Variants in TRAK2 observed in about 807,000 individuals in gnomAD.
TRAK2 encodes trafficking kinesin-binding protein 2.
Under a neutral mutation model 104.6 loss-of-function variants are expected in TRAK2, and 81 were observed. That is an observed-to-expected ratio of 0.77 (90% CI 0.65 to 0.93). The LOEUF (loss-of-function observed/expected upper bound fraction) is 0.93, where lower values mean the gene tolerates loss of function less well. TRAK2 is among the 40% of genes least tolerant of loss of function. The pLI is 0.00. For synonymous variants in TRAK2, 406 were observed against 394.4 expected (o/e 1.03, Z -0.35); for missense variants, 1,002 against 1,089.0 (o/e 0.92, Z 1.12).
rs1181725684 is a variant in TRAK2 at position 201,422,468 on chromosome 2, GCC to G, written c.-199-1764_-199-1763del. Among the ~76,000 whole-genome samples, 394 of 152,158 alleles carry G rather than the reference GCC, an allele frequency of 2.6e-3. 3 individuals carry two copies. Among genetic ancestry groups the G allele is most frequent in the African/African-American group, 8.7e-3 (361 of 41,492 alleles). Reference sequence around the variant, plus strand: ...CTACTTATAGTTAATTCATTCTCATGCCTGCTCTTCACAGGCATCATAAATAT... The same window carrying G: ...CTACTTATAGTTAATTCATTCTCATGTGCTCTTCACAGGCATCATAAATAT... On this transcript the variant is annotated intron_variant, in intron 1 of 15. Coordinates refer to ENST00000332624, the MANE Select transcript of TRAK2 (RefSeq NM_015049.3).
intron 12 of TRAK2, among the ~76,000 whole-genome samples, chr2:201,388,688 C>T (rs966215776): frequency 5.3e-5 from 8 of 152,166 alleles, no homozygotes; most frequent in Non-Finnish European, 8.8e-5. Flanking sequence ...TATAAATCCA[C>T]ATAAATGTGT....
intron 9 of TRAK2, 32 bp from the exon 10 acceptor site, chr2:201,393,078 C>T (rs1340725422): frequency 1.9e-6 from 3 of 1,572,052 alleles, no homozygotes; most frequent in Non-Finnish European, 8.6e-7. Context: ...TACTTTATTG[C>T]CTTCCCAAAA....
chr2:201,405,591 G>T (rs984030251), intron 3 of TRAK2, among the ~76,000 whole-genome samples: 3 of 152,118 alleles, frequency 2.0e-5, no homozygotes, highest in African/African-American at 7.2e-5. Flanking sequence ...TGATTGCAGG[G>T]GTCCACAAAG....
At chr2:201,382,596 G>C (rs13027669) in intron 15 of TRAK2, among the ~76,000 whole-genome samples, 86,849 of 151,914 alleles carry the variant, frequency 0.57, 26,090 homozygotes, top group South Asian at 0.69. Context: ...GCATCAACCT[G>C]TATTAAGAGT....
rs568474329 is a variant in TRAK2, at chr2:201,431,514, T to C, written c.-199-10808A>G. Among the ~76,000 whole-genome samples, 5 of 152,346 alleles carry C rather than the reference T, an allele frequency of 3.3e-5. No individual in the cohort carries two copies. In the East Asian group the frequency reaches 9.6e-4, roughly 29 times the overall value. On this transcript the variant is annotated intron_variant, in intron 1 of 15. Transcript: ENST00000332624. Reference sequence around the variant, plus strand: ...CTTCTATGCCAGCTGCGTAGCATCTTCAAGTTTCTCTCTGCTTCTACTGTT... The same window carrying C: ...CTTCTATGCCAGCTGCGTAGCATCTCCAAGTTTCTCTCTGCTTCTACTGTT...
At chr2:201,404,227 G>A (rs993499792) in intron 3 of TRAK2, among the ~76,000 whole-genome samples, 4 of 152,152 alleles carry the variant, frequency 2.6e-5, no homozygotes, top group African/African-American at 9.7e-5. Context: ...TAGCCAAGCA[G>A]GTTGTCTTTG....
At chr2:201,433,152 ACT>A (rs1236647213) in intron 1 of TRAK2, among the ~76,000 whole-genome samples, 2 of 152,024 alleles carry the variant, frequency 1.3e-5, no homozygotes, top group African/African-American at 4.8e-5. Context: ...CCACTTAAAG[ACT>A]CTATCATGGC....
Position 201,377,935 on chromosome 2 carries a change from T to C in TRAK2, c.*2608A>G, listed in dbSNP as rs948874848. On this transcript the variant is annotated 3_prime_UTR_variant, in exon 16 of 16. Transcript: ENST00000332624. Reference sequence around the variant, plus strand: ...CTGGCATGAAAGTACACATACAATTTTTATCGTAGAAAAGACTAAAATGTG... The same window carrying C: ...CTGGCATGAAAGTACACATACAATTCTTATCGTAGAAAAGACTAAAATGTG... 1 of 152,536 alleles carries C rather than the reference T, an allele frequency of 6.6e-6. No individual in the cohort carries two copies. Among genetic ancestry groups the C allele is most frequent in the Non-Finnish European group, 1.5e-5 (1 of 68,000 alleles). The allele number at this position is 152,536 out of a possible 1,614,324, so 9.4% of individuals were successfully genotyped here. A position where few individuals can be genotyped will look rare whatever the true frequency, so the allele number is the denominator to read the frequency against.
chr2:201,385,768 T>G (rs1379378671), intron 14 of TRAK2, among the ~76,000 whole-genome samples: 4 of 152,228 alleles, frequency 2.6e-5, no homozygotes, highest in African/African-American at 9.6e-5. Flanking sequence ...ATTAGAGACT[T>G]GAACAACTGT....
chr2:201,424,034 T>C (rs1951765397), intron 1 of TRAK2, among the ~76,000 whole-genome samples: 1 of 152,256 alleles, frequency 6.6e-6, no homozygotes, highest in African/African-American at 2.4e-5. Flanking sequence ...GAAAAGTCCA[T>C]TGTATGCAAC....
chr2:201,398,671 T>C (rs548111899), intron 5 of TRAK2, among the ~76,000 whole-genome samples: 1 of 152,132 alleles, frequency 6.6e-6, no homozygotes, highest in Non-Finnish European at 1.5e-5. Context: ...AATACATTCA[T>C]AGTTGAAAAC....
chr2:201,398,079 A>G (rs1380420087), intron 6 of TRAK2, 66 bp downstream of exon 6: 7 of 1,465,234 alleles, frequency 4.8e-6, no homozygotes, highest in East Asian at 2.3e-5. Flanking sequence ...TTTCACCTCA[A>G]TAGTACCTGG....
At position 201,378,724 on chromosome 2, in the gene TRAK2, G is replaced by A. The variant is rs1951310991; in HGVS notation, c.*1819C>T. On this transcript the variant is annotated 3_prime_UTR_variant, in exon 16 of 16. Transcript: ENST00000332624. ...ACTCTATTGACCTCAGCACAACTGA[G>A]TGAAGGGGAACGAAAGGGAGAGACC... 1 of 152,170 alleles carries A rather than the reference G, an allele frequency of 6.6e-6. No homozygotes were observed. Among genetic ancestry groups the A allele is most frequent in the African/African-American group, 2.4e-5 (1 of 41,418 alleles). 9.4% of individuals were successfully genotyped at this position (152,170 alleles called of 1,614,324 possible). A position where few individuals can be genotyped will look rare whatever the true frequency, so the allele number is the denominator to read the frequency against.
At chr2:201,404,354 C>G (rs1273558339) in intron 3 of TRAK2, among the ~76,000 whole-genome samples, 2 of 152,192 alleles carry the variant, frequency 1.3e-5, no homozygotes, top group African/African-American at 2.4e-5. Context: ...ACTTCCCTAA[C>G]TCTCTAAAAA....
intron 6 of TRAK2, chr2:201,397,816 C>T (rs1275523599): frequency 5.4e-6 from 3 of 552,470 alleles, no homozygotes; most frequent in Non-Finnish European, 9.6e-6. Context: ...TTGTGATTTT[C>T]TGAGATAGTT....
Position 201,395,439 on chromosome 2 carries a change from T to C in TRAK2, c.775A>G (p.Thr259Ala). Residue 259 changes from threonine (T) to alanine (A), a missense_variant, in exon 8 of 16, where the codon ACA (threonine) becomes GCA (alanine). Thr to Ala is a moderately conservative substitution (Grantham distance 58). Coordinates refer to ENST00000332624, the MANE Select transcript of TRAK2 (RefSeq NM_015049.3). ...VSDCVKELRETNAQMSRMTEE... is the reference protein window; with the variant it reads ...VSDCVKELREANAQMSRMTEE... ...GTCATTCTGGACATCTGAGCATTTGTTTCACCTTGGAAGCAAAAAAAATTT... is the reference window on the plus strand; with the variant it reads ...GTCATTCTGGACATCTGAGCATTTGCTTCACCTTGGAAGCAAAAAAAATTT... 3 of 1,529,182 alleles carry C rather than the reference T, an allele frequency of 2.0e-6. No individual in the cohort carries two copies. Among genetic ancestry groups the C allele is most frequent in the Non-Finnish European group, 2.7e-6 (3 of 1,125,884 alleles). 94.7% of individuals were successfully genotyped at this position (1,529,182 alleles called of 1,614,324 possible). A position where few individuals can be genotyped will look rare whatever the true frequency, so the allele number is the denominator to read the frequency against.
At chr2:201,388,036 A>C in intron 12 of TRAK2, 35 bp from the exon 13 acceptor site, 1 of 1,605,918 alleles carries the variant, frequency 6.2e-7, no homozygotes. Context: ...TTAGATCTTG[A>C]GGATCATCAG....
At chr2:201,401,521 C>T (rs959851919) in intron 3 of TRAK2, among the ~76,000 whole-genome samples, 4 of 152,022 alleles carry the variant, frequency 2.6e-5, no homozygotes, top group African/African-American at 9.7e-5. Context: ...AATTGGAATT[C>T]TGCTGTGATT....
chr2:201,404,009 G>A (rs927681264), intron 3 of TRAK2, among the ~76,000 whole-genome samples: 5 of 152,248 alleles, frequency 3.3e-5, no homozygotes, highest in Non-Finnish European at 5.9e-5. Flanking sequence ...AAGAACAATG[G>A]ATTTTTCTCT....
Sources: allele counts gnomAD v4.1 joint callset (sites outside exome capture counted in the v4.1 genomes callset), GRCh38; gene constraint gnomAD v4.1.1; transcripts MANE v1.5; gene names NCBI Gene and HGNC (gene_info 2026-07-23, HGNC 2026-07-21).